The following NHERF2 variants were observed in gnomAD, a reference collection of about 807,000 sequenced individuals.
NHERF2 encodes the protein Na(+)/H(+) exchange regulatory cofactor NHE-RF2.
the NHERF2 span, chr16:2,038,009 C>T: frequency 6.2e-7 from 1 of 1,612,508 alleles, no homozygotes. Flanking sequence ...GTCTCGGGAC[C>T]CTGGGACCCC....
At chr16:2,029,850 G>C in the NHERF2 span, 1 of 1,385,734 alleles carries the variant, frequency 7.2e-7, no homozygotes, top group East Asian at 2.5e-5. Flanking sequence ...TTTTGACGAC[G>C]ATCTTTGCCT....
chr16:2,038,650 T>A, the NHERF2 span: 15 of 273,080 alleles, frequency 5.5e-5, no homozygotes, highest in South Asian at 4.6e-4. Context: ...TGCCCTGGTG[T>A]GGGGGTCCCT....
the NHERF2 span, chr16:2,038,140 GC>G: frequency 2.2e-6 from 2 of 894,826 alleles, no homozygotes; most frequent in Non-Finnish European, 3.4e-6. Flanking sequence ...TCCTGCCCCT[GC>G]CCACCAGGTA....
At chr16:2,038,005 G>C in the NHERF2 span, 9 of 1,612,666 alleles carry the variant, frequency 5.6e-6, no homozygotes, top group Middle Eastern at 5.0e-4. Context: ...GCCTGTCTCG[G>C]GACCCTGGGA....
the NHERF2 span, chr16:2,036,820 C>T: frequency 6.2e-7 from 1 of 1,613,220 alleles, no homozygotes; most frequent in Non-Finnish European, 8.5e-7. Context: ...TGGTCGTGGA[C>T]CCCGAGACAG....
At chr16:2,034,356 C>T in the NHERF2 span, among the ~76,000 whole-genome samples, 87 of 136,440 alleles carry the variant, frequency 6.4e-4, no homozygotes, top group Non-Finnish European at 1.1e-3. Flanking sequence ...CCTCCCCTCC[C>T]GAACTGGACT....
the NHERF2 span, chr16:2,036,453 G>A: frequency 1.9e-6 from 3 of 1,603,710 alleles, no homozygotes; most frequent in Non-Finnish European, 2.6e-6. Flanking sequence ...TGTGGACCCG[G>A]GCTCACCTGC....
the NHERF2 span, among the ~76,000 whole-genome samples, chr16:2,031,090 C>T: frequency 6.6e-6 from 1 of 152,192 alleles, no homozygotes; most frequent in South Asian, 2.1e-4. Context: ...CACTTTCTCC[C>T]TTTCCCAGAC....
the NHERF2 span, chr16:2,037,770 C>G: frequency 6.4e-7 from 1 of 1,551,906 alleles, no homozygotes; most frequent in East Asian, 2.4e-5. Context: ...GGGCCACCGT[C>G]TGGGGTGTGG....
chr16:2,038,158 G>A, the NHERF2 span: 3 of 717,024 alleles, frequency 4.2e-6, no homozygotes, highest in Non-Finnish European at 4.6e-6. Flanking sequence ...GGTACTGGGG[G>A]CCTGTGGCAG....
chr16:2,030,272 A>G, the NHERF2 span, among the ~76,000 whole-genome samples: 1 of 151,966 alleles, frequency 6.6e-6, no homozygotes, highest in African/African-American at 2.4e-5. Context: ...CTAGGAGGCC[A>G]CTCTGCCAGG....
At chr16:2,037,503 G>A in the NHERF2 span, 7 of 1,578,398 alleles carry the variant, frequency 4.4e-6, no homozygotes, top group Non-Finnish European at 6.1e-6. Context: ...TGTTGTGTGT[G>A]TCTGTGAAAC....
At chr16:2,033,192 C>T in the NHERF2 span, 2 of 1,459,382 alleles carry the variant, frequency 1.4e-6, no homozygotes, top group East Asian at 2.5e-5. Context: ...TCAGTCATCA[C>T]CCTGCTCCCC....
chr16:2,033,505 G>C, the NHERF2 span: 2 of 1,417,052 alleles, frequency 1.4e-6, no homozygotes, highest in Non-Finnish European at 9.4e-7. Context: ...TGGAAGGAGG[G>C]GACTCCGGGA....
chr16:2,037,533 C>T, the NHERF2 span: 4 of 1,609,774 alleles, frequency 2.5e-6, no homozygotes, highest in African/African-American at 4.0e-5. Flanking sequence ...CCCTTGGTTT[C>T]CCAGCTCAAT....
At chr16:2,028,117 T>C in the NHERF2 span, among the ~76,000 whole-genome samples, 2 of 152,288 alleles carry the variant, frequency 1.3e-5, no homozygotes, top group African/African-American at 4.8e-5. Flanking sequence ...CCCCTTTTCC[T>C]CCAGGTCCCC....
chr16:2,035,661 C>G, the NHERF2 span: 19 of 985,794 alleles, frequency 1.9e-5, no homozygotes, highest in Non-Finnish European at 2.3e-5. Flanking sequence ...TGCATGGTCC[C>G]CTGGCCCAGA....
chr16:2,032,974 CG>C, the NHERF2 span: 2 of 1,118,366 alleles, frequency 1.8e-6, no homozygotes, highest in Non-Finnish European at 2.2e-6. This position sits in a 1 kb window ranked among gnomAD's most constrained non-coding sequence, Gnocchi z 4.0. Context: ...GCGGTGCCTG[CG>C]GGGGCTTCCG....
At chr16:2,031,979 A>G in the NHERF2 span, among the ~76,000 whole-genome samples, 2 of 147,542 alleles carry the variant, frequency 1.4e-5, no homozygotes, top group African/African-American at 5.0e-5. Context: ...GGTGTGAGCC[A>G]CTGTACCCGG....
Sources: allele counts gnomAD v4.1 joint callset (sites outside exome capture counted in the v4.1 genomes callset), GRCh38; gene constraint gnomAD v4.1.1; non-coding constraint Gnocchi (gnomAD v3.1); transcripts MANE v1.5; gene names NCBI Gene and HGNC (gene_info 2026-07-23, HGNC 2026-07-21).